Variants in MYO16 observed in about 807,000 individuals in gnomAD.
MYO16 encodes the protein myosin XVI, also known as unconventional myosin-XVI.
In MYO16, 94 loss-of-function variants were observed where a neutral mutation model predicts 205.3. That is an observed-to-expected ratio of 0.46 (90% CI 0.39 to 0.54). MYO16 has a LOEUF of 0.54. MYO16 is among the 20% of genes least tolerant of loss of function. The probability of loss-of-function intolerance (pLI) is 0.00; values close to 1 mark genes in which losing one functional copy is unlikely to be tolerated. For missense variants in MYO16, 2,315 were observed against 2,387.5 expected (o/e 0.97, Z 0.63); for synonymous variants, 988 against 954.0 (o/e 1.04, Z -0.66).
chr13:109,089,864 G>A (rs1263540905), intron 27 of MYO16, among the ~76,000 whole-genome samples: 1 of 151,866 alleles, frequency 6.6e-6, no homozygotes. Flanking sequence ...TTTCCCTCAC[G>A]CTCCATTTTC....
upstream of MYO16, among the ~76,000 whole-genome samples, chr13:108,626,046 C>T (rs562804526): frequency 6.6e-6 from 1 of 152,214 alleles, no homozygotes; most frequent in Admixed American, 6.5e-5. Context: ...CAATTTCTAA[C>T]TTTTGAATGC....
At chr13:109,065,405 T>C (rs1887714106) in intron 27 of MYO16, among the ~76,000 whole-genome samples, 1 of 152,116 alleles carries the variant, frequency 6.6e-6, no homozygotes, top group South Asian at 2.1e-4. Context: ...CTATACATAT[T>C]AATTATTATT....
At chr13:108,849,347 C>T (rs902158604) in intron 10 of MYO16, among the ~76,000 whole-genome samples, 7 of 151,988 alleles carry the variant, frequency 4.6e-5, no homozygotes, top group African/African-American at 1.2e-4. Context: ...CCTGCCACCA[C>T]GCCCAGCTAA....
intron 23 of MYO16, among the ~76,000 whole-genome samples, chr13:109,027,661 A>G (rs1037810589): frequency 4.6e-5 from 7 of 152,190 alleles, no homozygotes; most frequent in African/African-American, 1.7e-4. Context: ...GATATTTATC[A>G]TTAAAGAAAA....
At chr13:108,613,465 A>C (rs1879246785) in intron 1 of MYO16, among the ~76,000 whole-genome samples, 1 of 152,112 alleles carries the variant, frequency 6.6e-6, no homozygotes, top group Non-Finnish European at 1.5e-5. Flanking sequence ...GCCACCTTCA[A>C]AACTTAGTGT....
chr13:108,737,786 G>C (rs1475570178), intron 4 of MYO16, among the ~76,000 whole-genome samples: 5 of 152,050 alleles, frequency 3.3e-5, no homozygotes, highest in Non-Finnish European at 1.5e-5. Context: ...TTGGTTGGTA[G>C]GCTATTAATT....
the MYO16 span, among the ~76,000 whole-genome samples, chr13:108,501,444 A>G: frequency 3.2e-4 from 49 of 152,258 alleles, 2 homozygotes; most frequent in Non-Finnish European, 3.8e-4. Context: ...CTTCCATAAA[A>G]GACATCTGCT....
chr13:108,624,685 G>C (rs909246365), upstream of MYO16, among the ~76,000 whole-genome samples: 1 of 151,938 alleles, frequency 6.6e-6, no homozygotes, highest in African/African-American at 2.4e-5. Flanking sequence ...GTCCTCACTA[G>C]AATTTAAAAC....
At chr13:108,502,968 AAT>A in the MYO16 span, among the ~76,000 whole-genome samples, 343 of 152,328 alleles carry the variant, frequency 2.3e-3, 2 homozygotes, top group African/African-American at 7.8e-3. Context: ...GAATACTGAG[AAT>A]ATATTTTTAT....
In MYO16 at chr13:108,696,593, G is replaced by T. The variant is rs534882744; in HGVS notation, c.293-16068G>T. ...TAACGGGTTGTCCCTGGGGATACCTGCGGGGAAGGACCAGGAGGGAACTTC... is the reference window on the plus strand; with the variant it reads ...TAACGGGTTGTCCCTGGGGATACCTTCGGGGAAGGACCAGGAGGGAACTTC... On this transcript the variant is annotated intron_variant, in intron 2 of 34. Transcript: ENST00000457511. 2.6e-5 allele frequency among the ~76,000 whole-genome samples: 4 copies of T among 152,300 alleles called. No homozygotes were observed. In the South Asian group the frequency reaches 6.2e-4, roughly 24 times the overall value.
At chr13:109,115,362 A>T (rs2139748016) in intron 28 of MYO16, among the ~76,000 whole-genome samples, 1 of 152,294 alleles carries the variant, frequency 6.6e-6, no homozygotes, top group East Asian at 1.9e-4. Context: ...ACAAGAAAAA[A>T]AACCTAATGG....
At chr13:109,049,933 TG>T (rs2139600248) in intron 24 of MYO16, among the ~76,000 whole-genome samples, 1 of 109,004 alleles carries the variant, frequency 9.2e-6, no homozygotes, top group African/African-American at 4.0e-5. Context: ...GTCCTGTGTG[TG>T]TGTGTGTGTG....
chr13:108,581,010 A>G, the MYO16 span, among the ~76,000 whole-genome samples: 1 of 152,206 alleles, frequency 6.6e-6, no homozygotes, highest in African/African-American at 2.4e-5. Flanking sequence ...TGTAAAATTA[A>G]GTTTTTTTCT....
At chr13:108,849,046 G>A (rs1006715175) in intron 10 of MYO16, among the ~76,000 whole-genome samples, 5 of 152,132 alleles carry the variant, frequency 3.3e-5, no homozygotes, top group Admixed American at 6.5e-5. Flanking sequence ...AATAACAAAA[G>A]GAGGGCAAAA....
chr13:108,549,331 C>G, the MYO16 span, among the ~76,000 whole-genome samples: 1 of 152,052 alleles, frequency 6.6e-6, no homozygotes, highest in Non-Finnish European at 1.5e-5. Flanking sequence ...CAAATGCAGG[C>G]ACATCCAGAA....
chr13:108,666,921 T>C (rs1881757795), intron 2 of MYO16, among the ~76,000 whole-genome samples: 1 of 152,192 alleles, frequency 6.6e-6, no homozygotes, highest in African/African-American at 2.4e-5. Flanking sequence ...TTGTTGTAAT[T>C]GTACAAGGCT....
chr13:109,073,378 T>A (rs886086024), intron 27 of MYO16, among the ~76,000 whole-genome samples: 1 of 152,064 alleles, frequency 6.6e-6, no homozygotes, highest in Non-Finnish European at 1.5e-5. Context: ...CCCGAAGTTG[T>A]GTGATTACAG....
At chr13:108,952,136 A>C (rs1883178596) in intron 16 of MYO16, among the ~76,000 whole-genome samples, 1 of 151,226 alleles carries the variant, frequency 6.6e-6, no homozygotes, top group East Asian at 1.9e-4. Flanking sequence ...TAAATAAATA[A>C]ATAAATAAAT....
At chr13:108,983,300 G>T (rs545110043) in intron 20 of MYO16, among the ~76,000 whole-genome samples, 1 of 152,042 alleles carries the variant, frequency 6.6e-6, no homozygotes, top group Non-Finnish European at 1.5e-5. Context: ...TGAATCTCAC[G>T]TGAGAACCGT....
Sources: allele counts gnomAD v4.1 joint callset (sites outside exome capture counted in the v4.1 genomes callset), GRCh38; gene constraint gnomAD v4.1.1; transcripts MANE v1.5; gene names NCBI Gene and HGNC (gene_info 2026-07-23, HGNC 2026-07-21).